Variants in BIRC6 observed in about 807,000 individuals in gnomAD.
BIRC6 encodes baculoviral IAP repeat containing 6.
Under a neutral mutation model 503.3 loss-of-function variants are expected in BIRC6, and 98 were observed. The ratio of observed to expected loss-of-function variants is 0.19; its 90% confidence interval spans 0.17 to 0.23. The LOEUF is 0.23. Among genes scored for constraint, BIRC6 ranks in the 10% least tolerant of loss-of-function variants. The pLI is 1.00. For missense variants in BIRC6, 5,360 were observed against 5,806.0 expected (o/e 0.92, Z 2.50); for synonymous variants, 2,240 against 2,078.7 (o/e 1.08, Z -2.11).
chr2:32,489,927 T>C (rs2051484315), intron 42 of BIRC6, 114 bp from the exon 43 acceptor site: 1 of 691,964 alleles, frequency 1.4e-6, no homozygotes, highest in Admixed American at 2.5e-5. Context: ...AAGACACTGG[T>C]TAAGGAGCGG....
intron 12 of BIRC6, among the ~76,000 whole-genome samples, chr2:32,432,005 A>G (rs761642661): frequency 6.6e-6 from 1 of 152,224 alleles, no homozygotes; most frequent in Non-Finnish European, 1.5e-5. Context: ...GGCTTCCATG[A>G]TAATAGCAAT....
chr2:32,502,993 A>G (rs1458594905), intron 48 of BIRC6, 49 bp from the exon 49 acceptor site: 1 of 1,523,398 alleles, frequency 6.6e-7, no homozygotes, highest in South Asian at 1.2e-5. Flanking sequence ...TTTGATGTTG[A>G]ACCATCTGTC....
rs553682697 is a variant in BIRC6, at chr2:32,419,850, C to T, written c.2872+3687C>T. Among the ~76,000 whole-genome samples the T allele has an allele frequency of 1.3e-4, 20 of 152,226 alleles. No homozygotes were observed. The South Asian group carries it at 1.9e-3, about 14-fold the overall frequency. On this transcript the variant is annotated intron_variant, in intron 10 of 73. Transcript: ENST00000421745. ...GTATGGTCACATCCTTGTTTTGGTACTTGTTTCTTGTGGAAAACATTCCTT... is the reference window on the plus strand; with the variant it reads ...GTATGGTCACATCCTTGTTTTGGTATTTGTTTCTTGTGGAAAACATTCCTT...
rs2149446883 is a variant in BIRC6 at position 32,500,011 on chromosome 2, C to T, written c.8933C>T (p.Ala2978Val). The change falls in exon 46 of 74, where the codon GCA becomes GTA. Residue 2978 changes from alanine to valine, a missense_variant. By Grantham distance (64) the Ala-to-Val change is moderately conservative. This residue lies in a region of BIRC6 where 2,299 missense variants were observed against 2,267.2 expected (regional missense o/e 1.01). Coordinates refer to ENST00000421745, the MANE Select transcript of BIRC6 (RefSeq NM_016252.4). ...GSSTSVQGSP[A>V]YVADLVLANQ... The stretch of plus-strand genomic sequence containing the variant: ...AGTACCAGTGTTCAAGGATCGCCTG[C>T]ATATGTTGCTGACTTAGTCTTAGCC... 2 of 1,613,952 alleles carry T rather than the reference C, an allele frequency of 1.2e-6. No individual in the cohort carries two copies. The highest frequency in any genetic ancestry group is 4.5e-5 in the East Asian group (2 of 44,878).
intron 2 of BIRC6, among the ~76,000 whole-genome samples, chr2:32,377,971 T>C (rs1042305430): frequency 1.3e-5 from 2 of 152,214 alleles, no homozygotes; most frequent in Non-Finnish European, 2.9e-5. Context: ...GTGGTGTTTT[T>C]AGGTGTGAAT....
chr2:32,383,404 T>C (rs2037979998), intron 3 of BIRC6, among the ~76,000 whole-genome samples: 2 of 152,228 alleles, frequency 1.3e-5, no homozygotes, highest in Non-Finnish European at 2.9e-5. Context: ...ATATCTAATT[T>C]CTTTTTTTTG....
At chr2:32,534,932 C>T (rs1301253106) in intron 61 of BIRC6, among the ~76,000 whole-genome samples, 1 of 150,684 alleles carries the variant, frequency 6.6e-6, no homozygotes, top group Non-Finnish European at 1.5e-5. Flanking sequence ...AGATGTAAAA[C>T]TTAAATCTCA....
rs140899908 is a variant in BIRC6 at position 32,479,446 on chromosome 2, A to G, written c.7253-16A>G. The G allele has an allele frequency of 1.1e-3, 1,772 of 1,584,106 alleles. 21 individuals carry two copies. The African/African-American group carries it at 0.02, about 17-fold the overall frequency. On this transcript the variant is annotated splice_polypyrimidine_tract_variant and intron_variant, in intron 36 of 73. Transcript: ENST00000421745. ...CTGTATAAATTATTAAAACAGGACT[A>G]TCCCCTTACATACAGGAGAATTACT... is the stretch of plus-strand genomic sequence containing the variant.
At chr2:32,596,269 C>T (rs1443867232) in intron 68 of BIRC6, among the ~76,000 whole-genome samples, 1 of 151,782 alleles carries the variant, frequency 6.6e-6, no homozygotes, top group East Asian at 1.9e-4. Context: ...GTCACGAGGT[C>T]GGGAGTTTGA....
intron 65 of BIRC6, among the ~76,000 whole-genome samples, chr2:32,555,493 C>G (rs2150523575): frequency 6.6e-6 from 1 of 152,022 alleles, no homozygotes; most frequent in Middle Eastern, 3.4e-3. Flanking sequence ...ACAAAAATAG[C>G]CGGGTGTGGT....
chr2:32,438,045 G>C (rs929223387), intron 15 of BIRC6, among the ~76,000 whole-genome samples: 1 of 152,128 alleles, frequency 6.6e-6, no homozygotes, highest in East Asian at 1.9e-4. Flanking sequence ...TCCTACCTTG[G>C]CCTCCCAAAG....
chr2:32,473,430 T>C (rs2049325918), intron 33 of BIRC6, among the ~76,000 whole-genome samples, 191 bp downstream of exon 33: 1 of 152,170 alleles, frequency 6.6e-6, no homozygotes, highest in Non-Finnish European at 1.5e-5. Context: ...TTACAGACTT[T>C]GTTGATGTTC....
chr2:32,572,896 G>A (rs2060014399), intron 65 of BIRC6, among the ~76,000 whole-genome samples: 2 of 152,094 alleles, frequency 1.3e-5, no homozygotes, highest in South Asian at 4.2e-4. Flanking sequence ...ATCAGTTGTA[G>A]AGATCTCTTT....
chr2:32,515,129 C>T lies in BIRC6; in HGVS notation c.10708C>T (p.Pro3570Ser). ...LMGWMGITPPPVQCHHRLSMT... is the reference protein window; with the variant it reads ...LMGWMGITPPSVQCHHRLSMT... ...GGGCTGGATGGGAATTACCCCTCCT[C>T]CAGTGCAATGTCATCATAGACTGTC... The change falls in exon 55 of 74, where the codon CCA becomes TCA. Residue 3570 changes from proline to serine, a missense_variant. This residue lies in a region of BIRC6 where 878 missense variants were observed against 928.9 expected (regional missense o/e 0.95). Coordinates refer to ENST00000421745, the MANE Select transcript of BIRC6 (RefSeq NM_016252.4). 4.3e-6 allele frequency: 7 copies of T among 1,613,932 alleles called. No homozygotes were observed. Among genetic ancestry groups the T allele is most frequent in the Admixed American group, 1.7e-5 (1 of 60,020 alleles).
chr2:32,476,073 A>G, intron 33 of BIRC6, 140 bp from the exon 34 acceptor site: 1 of 606,786 alleles, frequency 1.6e-6, no homozygotes, highest in Non-Finnish European at 2.6e-6. Context: ...TTAAAAAATT[A>G]TCATCACAGT....
chr2:32,451,167 C>G (rs2046681953), intron 22 of BIRC6, among the ~76,000 whole-genome samples: 1 of 152,198 alleles, frequency 6.6e-6, no homozygotes, highest in Non-Finnish European at 1.5e-5. Context: ...CTTTCAGTTA[C>G]TTTACCTTTC....
At chr2:32,363,488 T>C (rs947112696) in intron 1 of BIRC6, among the ~76,000 whole-genome samples, 1 of 152,178 alleles carries the variant, frequency 6.6e-6, no homozygotes, top group Admixed American at 6.5e-5. Flanking sequence ...TTTGCTTTTT[T>C]GTGAGAGTAA....
rs766198069 is a variant in BIRC6 at position 32,575,242 on chromosome 2, C to T, written c.13231C>T (p.Leu4411=). ...AIASCAAMVP[L]LLPLSTENGE... ...TGCTTCTTGTGCTGCCATGGTGCCC[C>T]TATTGTTGCCCCTTTCTACAGAGAA... Residue 4411 remains leucine, a synonymous_variant, in exon 66 of 74, where the codon CTA becomes TTA. Transcript: ENST00000421745. 16 of 1,613,866 alleles carry T rather than the reference C, an allele frequency of 9.9e-6. No homozygotes were observed. In the South Asian group the frequency reaches 1.6e-4, roughly 17 times the overall value.
At chr2:32,428,610 A>G (rs893344964) in intron 10 of BIRC6, among the ~76,000 whole-genome samples, 4 of 152,224 alleles carry the variant, frequency 2.6e-5, no homozygotes, top group African/African-American at 9.6e-5. Flanking sequence ...AGAATATACT[A>G]TTACCCATTA....
Sources: allele counts gnomAD v4.1 joint callset (sites outside exome capture counted in the v4.1 genomes callset), GRCh38; gene constraint gnomAD v4.1.1; regional missense constraint gnomAD v4.1.1; transcripts MANE v1.5; gene names NCBI Gene and HGNC (gene_info 2026-07-23, HGNC 2026-07-21).